The following GRK6 variants were observed in gnomAD, a reference collection of about 807,000 sequenced individuals.
GRK6 encodes G protein-coupled receptor kinase 6.
A neutral mutation model predicts 80.8 loss-of-function variants in GRK6; 37 were observed. The ratio of observed to expected loss-of-function variants is 0.46; its 90% CI spans 0.35 to 0.60. GRK6 has a LOEUF of 0.60. Among genes scored for constraint, GRK6 ranks in the 20% least tolerant of loss-of-function variants. GRK6 has a pLI of 0.00. For missense variants in GRK6, 560 were observed against 784.6 expected, an observed-to-expected ratio of 0.71 and a Z score of 3.42; for synonymous variants, 295 against 320.9, an observed-to-expected ratio of 0.92 and a Z score of 0.86.
At position 177,436,201 on chromosome 5, in the gene GRK6, G is replaced by A; in HGVS notation, c.1186G>A (p.Glu396Lys). ...GAGGAAGAAGAAGATCAAGCGGGAG[G>A]AGGTGGAGCGGCTGGTGAAGGAGGT... ...QQRKKKIKRE[E>K]VERLVKEVPE... Residue 396 changes from glutamate to lysine, a missense_variant, in exon 12 of 16, where the codon GAG (glutamate) becomes AAG (lysine). By Grantham distance (56) the Glu-to-Lys change is moderately conservative. Coordinates refer to ENST00000355472, the MANE Select transcript of GRK6 (RefSeq NM_001004106.3). The A allele has an allele frequency of 6.2e-7, 1 of 1,614,230 alleles. No individual in the cohort carries two copies. The highest frequency in any genetic ancestry group is 8.5e-7 in the Non-Finnish European group (1 of 1,180,048).
At chr5:177,433,039 C>T (rs766231133) in intron 5 of GRK6, 108 bp from the exon 6 acceptor site, 65 of 1,004,054 alleles carry the variant, frequency 6.5e-5, no homozygotes, top group African/African-American at 4.4e-4. Flanking sequence ...TGGCCGACGA[C>T]GATACCTGTG....
intron 6 of GRK6, 22 bp downstream of exon 6, chr5:177,433,261 C>A (rs1271038959): frequency 1.2e-5 from 20 of 1,613,590 alleles, no homozygotes; most frequent in Non-Finnish European, 1.6e-5. Flanking sequence ...GAAGGCTGGG[C>A]CGGGACAGGC....
chr5:177,430,288 G>C (rs1763830888), intron 1 of GRK6, among the ~76,000 whole-genome samples: 1 of 152,360 alleles, frequency 6.6e-6, no homozygotes, highest in South Asian at 2.1e-4. Context: ...AGCTGCTGCA[G>C]ATGGGGTGTC....
In GRK6 at chr5:177,428,037, G is replaced by A. The variant is rs574385351; in HGVS notation, c.52+1140G>A. 3.3e-5 allele frequency among the ~76,000 whole-genome samples: 5 copies of A among 152,332 alleles called. No individual in the cohort carries two copies. Among genetic ancestry groups the A allele is most frequent in the East Asian group, 3.9e-4 (2 of 5,192 alleles). ...AGCTGGGTGCTACACCTGGCACCCC[G>A]TGCCCACCAAGTGCTCTGGCGAGGT... On this transcript the variant is annotated intron_variant, in intron 1 of 15. Transcript: ENST00000355472. The surrounding 1 kb of genome is among the most constrained non-coding windows in gnomAD (Gnocchi z 4.1).
intron 2 of GRK6, 64 bp downstream of exon 2, chr5:177,431,031 C>A: frequency 1.4e-6 from 2 of 1,397,004 alleles, no homozygotes; most frequent in Non-Finnish European, 2.0e-6. Context: ...GGGGGAGCCT[C>A]CCCTGAGACC....
rs1389934998 is a variant in GRK6 at position 177,435,102 on chromosome 5, G to T, written c.1038G>T (p.Val346=). ...AGGGCCAGACCATCAAAGGGCGTGT[G>T]GGCACCGTGGGTTACATGGGTGAGT... ...VPEGQTIKGR[V]GTVGYMAPEV... Residue 346 remains valine, a synonymous_variant, in exon 11 of 16, where the codon GTG becomes GTT. Transcript: ENST00000355472. 6.2e-7 allele frequency: 1 copy of T among 1,609,132 alleles called. No individual in the cohort carries two copies. The highest frequency in any genetic ancestry group is 1.7e-5 in the Admixed American group (1 of 59,884).
rs573590749 is a variant in GRK6 at position 177,430,723 on chromosome 5, G to T, written c.53-149G>T. The T allele has an allele frequency of 4.1e-5, 27 of 655,902 alleles. No homozygotes were observed. In the Admixed American group the frequency reaches 5.3e-4, roughly 13 times the overall value. The allele number at this position is 655,902 out of a possible 1,614,324, so 40.6% of individuals were successfully genotyped here. On this transcript the variant is annotated intron_variant, in intron 1 of 15. Coordinates refer to ENST00000355472, the MANE Select transcript of GRK6 (RefSeq NM_001004106.3). ...GTGTGTCCTGGAACGCAGCAAGGGC[G>T]TGCTGGAGCGTGCAGAGGGAAGGCC...
chr5:177,432,715 C>G lies in GRK6; in HGVS notation c.349C>G (p.Leu117Val). 1.2e-6 allele frequency: 2 copies of G among 1,604,344 alleles called. No individual in the cohort carries two copies. Among genetic ancestry groups the G allele is most frequent in the Non-Finnish European group, 1.7e-6 (2 of 1,175,114 alleles). ...TGGGGCTTGTTCCCAGGGTCCTGACCTCATCCCTGAGGTCCCCCGGCAGCT... is the reference window on the plus strand; with the variant it reads ...TGGGGCTTGTTCCCAGGGTCCTGACGTCATCCCTGAGGTCCCCCGGCAGCT... ...QNFLSHTGPD[L>V]IPEVPRQLVT... The change falls in exon 5 of 16, where the codon CTC (leucine) becomes GTC (valine). Residue 117 changes from leucine to valine, a missense_variant. This residue lies in a region of GRK6 where 189 missense variants were observed against 230.2 expected (regional missense o/e 0.82). Transcript: ENST00000355472.
In GRK6 at chr5:177,434,039, C is replaced by T. The variant is rs879232108; in HGVS notation, c.864C>T (p.Ala288=). Residue 288 remains alanine, a synonymous_variant, in exon 9 of 16, where the codon GCC becomes GCT. Transcript: ENST00000355472. The stretch of plus-strand genomic sequence containing the variant: ...AGGCTGGCTTCCCCGAAGCGCGGGC[C>T]GTCTTCTACGCCGCCGAGATCTGCT... ...MGQAGFPEAR[A]VFYAAEICCG... 8.1e-6 allele frequency: 13 copies of T among 1,611,100 alleles called. No homozygotes were observed. The highest frequency in any genetic ancestry group is 3.3e-5 in the South Asian group (3 of 90,970).
rs1396687400 is a variant in GRK6 at position 177,430,879 on chromosome 5, T to C, written c.60T>C (p.Gly20=). 1.2e-6 allele frequency: 2 copies of C among 1,613,792 alleles called. No individual in the cohort carries two copies. The highest frequency in any genetic ancestry group is 1.7e-5 in the Admixed American group (1 of 59,996). ...TVLLKAREGG[G]GNRKGKSKKW... ...GTCCTATTGCTCCCACAGGTGGCGG[T>C]GGAAATCGCAAAGGCAAAAGCAAGA... The change falls in exon 2 of 16, where the codon GGT becomes GGC. Residue 20 remains glycine (G), a synonymous_variant. Transcript: ENST00000355472.
At position 177,441,332 on chromosome 5, in the gene GRK6, G is replaced by A. The variant is rs1381018850; in HGVS notation, c.1677+279G>A. On this transcript the variant is annotated intron_variant, in intron 15 of 15. Transcript: ENST00000355472. ...AGCCCTTCCATGGCAAAGGCAAGAT[G>A]TGGGAGAAAGAAGTCTGGTGCCCGC... 18 of 1,532,794 alleles carry A rather than the reference G, an allele frequency of 1.2e-5. No individual in the cohort carries two copies. The Admixed American group carries it at 1.6e-4, about 13-fold the overall frequency. The allele number at this position is 1,532,794 out of a possible 1,614,324, so 94.9% of individuals were successfully genotyped here. A position where few individuals can be genotyped will look rare whatever the true frequency, so the allele number is the denominator to read the frequency against.
At chr5:177,431,961 C>T (rs569828203) in intron 2 of GRK6, 34 bp from the exon 3 acceptor site, 2 of 1,589,322 alleles carry the variant, frequency 1.3e-6, no homozygotes, top group East Asian at 2.2e-5. Context: ...TGCTCTCGGG[C>T]TGTGGACCCA....
At chr5:177,436,922 T>C (rs1234520947) in intron 13 of GRK6, among the ~76,000 whole-genome samples, 1 of 152,058 alleles carries the variant, frequency 6.6e-6, no homozygotes, top group African/African-American at 2.4e-5. Flanking sequence ...CTTCGTTCTT[T>C]TTTCCCTTCT....
At position 177,442,149 on chromosome 5, in the gene GRK6, A is replaced by AGG. The variant is rs879152348; in HGVS notation, c.*360_*361insGG. ...AGCCAGCCCTGGCTGGGAGAGCGGG[A>AGG]GCTGGCAGAGGAGCCACTGCCAAAC... On this transcript the variant is annotated 3_prime_UTR_variant, in exon 16 of 16. Coordinates refer to ENST00000355472, the MANE Select transcript of GRK6 (RefSeq NM_001004106.3). 8 of 302,318 alleles carry AGG rather than the reference A, an allele frequency of 2.6e-5. No homozygotes were observed. The South Asian group carries it at 3.8e-4, about 14-fold the overall frequency. 18.7% of individuals were successfully genotyped at this position (302,318 alleles called of 1,614,324 possible). A position where few individuals can be genotyped will look rare whatever the true frequency, so the allele number is the denominator to read the frequency against.
In GRK6 at chr5:177,428,474, G is replaced by T. The variant is rs1459927353; in HGVS notation, c.52+1577G>T. On this transcript the variant is annotated intron_variant, in intron 1 of 15. Transcript: ENST00000355472. This position sits in a 1 kb window ranked among gnomAD's most constrained non-coding sequence, Gnocchi z 4.1. Reference sequence around the variant, plus strand: ...AGACAGAGTCTCACTGTGTCACCCAGGCTGGAGTGCAGGGCTCACTGCAAC... The same window carrying T: ...AGACAGAGTCTCACTGTGTCACCCATGCTGGAGTGCAGGGCTCACTGCAAC... Among the ~76,000 whole-genome samples, 1 of 152,190 alleles carries T rather than the reference G, an allele frequency of 6.6e-6. No homozygotes were observed. Among genetic ancestry groups the T allele is most frequent in the African/African-American group, 2.4e-5 (1 of 41,450 alleles).
In GRK6 at chr5:177,436,280, A is replaced by G. The variant is rs1764150973; in HGVS notation, c.1265A>G (p.Gln422Arg). 6.2e-7 allele frequency: 1 copy of G among 1,613,912 alleles called. No homozygotes were observed. The highest frequency in any genetic ancestry group is 1.7e-5 in the Admixed American group (1 of 60,004). The part of the protein sequence containing the change: ...FSPQARSLCS[Q>R]LLCKDPAERL... Reference sequence around the variant, plus strand: ...CCGCAGGCCCGCTCACTTTGCTCACAGGTACGGCAGCTCACAGAAGCCTGG... The same window carrying G: ...CCGCAGGCCCGCTCACTTTGCTCACGGGTACGGCAGCTCACAGAAGCCTGG... The change falls in exon 12 of 16, where the codon CAG becomes CGG. Residue 422 changes from glutamine to arginine, a missense_variant and splice_region_variant. Transcript: ENST00000355472.
chr5:177,436,575 T>C, intron 13 of GRK6, 45 bp downstream of exon 13: 1 of 1,517,892 alleles, frequency 6.6e-7, no homozygotes, highest in Non-Finnish European at 8.8e-7. Flanking sequence ...CAGCCAGGGC[T>C]GGGGCTCAGG....
Position 177,426,699 on chromosome 5 carries a change from C to A in GRK6, c.-147C>A. 4.1e-6 allele frequency: 1 copy of A among 243,100 alleles called. No homozygotes were observed. Among genetic ancestry groups the A allele is most frequent in the Non-Finnish European group, 6.5e-6 (1 of 153,086 alleles). The allele number at this position is 243,100 out of a possible 1,614,324, so 15.1% of individuals were successfully genotyped here. ...GCGGAGAGTGCGCGGCTGGCTGCGG[C>A]GGCCGGGGAGGCCGGGGAGGCCGCG... is the stretch of plus-strand genomic sequence containing the variant. On this transcript the variant is annotated 5_prime_UTR_variant, in exon 1 of 16. Transcript: ENST00000355472.
intron 1 of GRK6, 160 bp from the exon 2 acceptor site, chr5:177,430,712 G>A (rs543013344): frequency 1.8e-5 from 11 of 627,000 alleles, no homozygotes; most frequent in African/African-American, 1.1e-4. Flanking sequence ...GTCCTGGAAC[G>A]CAGCAAGGGC....
Sources: allele counts gnomAD v4.1 joint callset (sites outside exome capture counted in the v4.1 genomes callset), GRCh38; gene constraint gnomAD v4.1.1; regional missense constraint gnomAD v4.1.1; non-coding constraint Gnocchi (gnomAD v3.1); transcripts MANE v1.5; gene names NCBI Gene and HGNC (gene_info 2026-07-23, HGNC 2026-07-21).